Variants in FOXO1 observed in about 807,000 individuals in gnomAD.
The protein encoded by FOXO1 is forkhead box O1, also known as forkhead box protein O1.
Under a neutral mutation model 44.1 loss-of-function variants are expected in FOXO1, and 6 were observed. The observed-to-expected ratio is 0.14, with a 90% CI of 0.07 to 0.27. The LOEUF (loss-of-function observed/expected upper bound fraction) is 0.27, where lower values mean the gene tolerates loss of function less well. FOXO1 is among the 10% of genes least tolerant of loss of function. The probability of loss-of-function intolerance (pLI) is 1.00; values close to 1 mark genes in which losing one functional copy is unlikely to be tolerated. For synonymous variants in FOXO1, 380 were observed against 362.7 expected (o/e 1.05, Z -0.54); for missense variants, 737 against 888.8 (o/e 0.83, Z 2.17).
chr13:40,660,751 G>A (rs2137944046), intron 1 of FOXO1, among the ~76,000 whole-genome samples: 1 of 152,208 alleles, frequency 6.6e-6, no homozygotes, highest in Non-Finnish European at 1.5e-5. Context: ...GAATTAAAAT[G>A]CCTTATTTTC....
chr13:40,556,124 A>AG lies in FOXO1; in HGVS notation c.*2924dup, dbSNP rs1873741036. The AG allele has an allele frequency of 6.6e-6, 1 of 152,264 alleles. No homozygotes were observed. Among genetic ancestry groups the AG allele is most frequent in the Non-Finnish European group, 1.5e-5 (1 of 68,038 alleles). The allele number at this position is 152,264 out of a possible 1,614,324, so 9.4% of individuals were successfully genotyped here. ...AATTAGTTATAAATTAAGAACTCTTAGGAGCTTGAATGTAAGAATTTTAAG... is the reference window on the plus strand; with the variant it reads ...AATTAGTTATAAATTAAGAACTCTTAGGGAGCTTGAATGTAAGAATTTTAAG... On this transcript the variant is annotated 3_prime_UTR_variant, in exon 3 of 3. Coordinates refer to ENST00000379561, the MANE Select transcript of FOXO1 (RefSeq NM_002015.4).
chr13:40,619,400 G>A (rs572409499), intron 1 of FOXO1: 30 of 803,854 alleles, frequency 3.7e-5, no homozygotes, highest in South Asian at 1.1e-4. Flanking sequence ...AACACCTTTC[G>A]GGGCACAGGA....
At chr13:40,649,311 C>T (rs1440926955) in intron 1 of FOXO1, among the ~76,000 whole-genome samples, 1 of 152,202 alleles carries the variant, frequency 6.6e-6, no homozygotes, top group Non-Finnish European at 1.5e-5. Flanking sequence ...ATCTCTCTGA[C>T]TTAATTACTT....
At chr13:40,627,994 G>T (rs1354469288) in intron 1 of FOXO1, among the ~76,000 whole-genome samples, 1 of 152,084 alleles carries the variant, frequency 6.6e-6, no homozygotes. Flanking sequence ...GTTGGCAGGG[G>T]AACCGTGTGT....
intron 1 of FOXO1, chr13:40,620,116 ACT>A (rs1306411047): frequency 5.1e-6 from 6 of 1,178,798 alleles, no homozygotes; most frequent in Non-Finnish European, 7.6e-6. Context: ...ACACAGAGGT[ACT>A]GCATATACCC....
rs146363122 is a variant in FOXO1 at position 40,621,158 on chromosome 13, C to T, written c.630+44425G>A. 2.4e-5 allele frequency: 12 copies of T among 498,926 alleles called. No individual in the cohort carries two copies. The Admixed American group carries it at 3.1e-4, about 13-fold the overall frequency. 30.9% of individuals were successfully genotyped at this position (498,926 alleles called of 1,614,324 possible). On this transcript the variant is annotated intron_variant, in intron 1 of 2. Transcript: ENST00000379561. ...CTTTCCACCCAGCGCTAGAGCATAACAGTATTGATAGTGAACCAGGTAAAA... is the reference window on the plus strand; with the variant it reads ...CTTTCCACCCAGCGCTAGAGCATAATAGTATTGATAGTGAACCAGGTAAAA...
In FOXO1 at chr13:40,557,392, T is replaced by C. The variant is rs575814105; in HGVS notation, c.*1657A>G. The stretch of plus-strand genomic sequence containing the variant: ...TGATAGGAATTACAGTTTAGGTTGC[T>C]ACAGGCTAAAGAAATTTTCAAATTC... On this transcript the variant is annotated 3_prime_UTR_variant, in exon 3 of 3. Transcript: ENST00000379561. 1 of 152,382 alleles carries C rather than the reference T, an allele frequency of 6.6e-6. No individual in the cohort carries two copies. The highest frequency in any genetic ancestry group is 6.5e-5 in the Admixed American group (1 of 15,310). 9.4% of individuals were successfully genotyped at this position (152,382 alleles called of 1,614,324 possible).
chr13:40,658,936 C>T (rs61963289), intron 1 of FOXO1, among the ~76,000 whole-genome samples: 25,747 of 151,548 alleles, frequency 0.17, 2,533 homozygotes, highest in South Asian at 0.3. Context: ...AGCGTGAACC[C>T]GGGAGGCGGA....
At chr13:40,636,517 C>CT (rs376651061) in intron 1 of FOXO1, among the ~76,000 whole-genome samples, 26,782 of 121,910 alleles carry the variant, frequency 0.22, 3,240 homozygotes, top group South Asian at 0.34. Context: ...TTTTCAAAAA[C>CT]TTTTTTTTTT....
intron 1 of FOXO1, among the ~76,000 whole-genome samples, chr13:40,588,846 T>C (rs2137862020): frequency 6.6e-6 from 1 of 152,316 alleles, no homozygotes; most frequent in East Asian, 1.9e-4. Flanking sequence ...GACTCACTCC[T>C]GTAATCCCAG....
At chr13:40,659,179 G>C (rs1352511901) in intron 1 of FOXO1, among the ~76,000 whole-genome samples, 3 of 151,814 alleles carry the variant, frequency 2.0e-5, no homozygotes, top group South Asian at 4.1e-4. Context: ...TCCAGGTGTG[G>C]TGGCATGTGC....
chr13:40,580,359 C>T (rs142748225), intron 1 of FOXO1, among the ~76,000 whole-genome samples: 180 of 152,118 alleles, frequency 1.2e-3, no homozygotes, highest in Non-Finnish European at 2.2e-3. Context: ...AAGCAGGAGA[C>T]GGGGAAAGAG....
In FOXO1 at chr13:40,610,335, C is replaced by G. The variant is rs1293809948; in HGVS notation, c.631-49475G>C. Among the ~76,000 whole-genome samples, 7 of 152,160 alleles carry G rather than the reference C, an allele frequency of 4.6e-5. No individual in the cohort carries two copies. The East Asian group carries it at 5.8e-4, about 13-fold the overall frequency. ...TCTATTTGGCACCATCTAAAACCAG[C>G]AAGCAATAATTGTACAACAAGGGGG... On this transcript the variant is annotated intron_variant, in intron 1 of 2. Transcript: ENST00000379561.
intron 1 of FOXO1, among the ~76,000 whole-genome samples, chr13:40,615,945 C>A (rs1876409338): frequency 6.6e-6 from 1 of 152,302 alleles, no homozygotes; most frequent in Admixed American, 6.5e-5. Flanking sequence ...ATCCGTCTGG[C>A]CTTGCTGAGT....
chr13:40,658,780 C>T lies in FOXO1; in HGVS notation c.630+6803G>A, dbSNP rs186523583. Among the ~76,000 whole-genome samples the T allele has an allele frequency of 5.3e-5, 8 of 152,088 alleles. No individual in the cohort carries two copies. The East Asian group carries it at 1.5e-3, about 29-fold the overall frequency. On this transcript the variant is annotated intron_variant, in intron 1 of 2. Coordinates refer to ENST00000379561, the MANE Select transcript of FOXO1 (RefSeq NM_002015.4). ...ATCCTAGCACTTTGGGAGGCCGAGGCGGGTGGATCACAAGGTCAGGAGATG... is the reference window on the plus strand; with the variant it reads ...ATCCTAGCACTTTGGGAGGCCGAGGTGGGTGGATCACAAGGTCAGGAGATG...
At chr13:40,656,559 T>C (rs1416981666) in intron 1 of FOXO1, among the ~76,000 whole-genome samples, 1 of 152,230 alleles carries the variant, frequency 6.6e-6, no homozygotes, top group Non-Finnish European at 1.5e-5. Flanking sequence ...GTTCTATGTA[T>C]TGCCAAATTC....
At chr13:40,588,435 G>T (rs558696550) in intron 1 of FOXO1, among the ~76,000 whole-genome samples, 43 of 152,202 alleles carry the variant, frequency 2.8e-4, no homozygotes, top group African/African-American at 8.4e-4. Context: ...AAATGTGGGC[G>T]GTTAAACCCT....
At chr13:40,615,533 A>G (rs1306084500) in intron 1 of FOXO1, among the ~76,000 whole-genome samples, 2 of 40,570 alleles carry the variant, frequency 4.9e-5, no homozygotes, top group South Asian at 1.0e-3. Flanking sequence ...TCTCAAATAC[A>G]TACATACATA....
intron 1 of FOXO1, among the ~76,000 whole-genome samples, chr13:40,571,895 C>T (rs1027820408): frequency 1.3e-5 from 2 of 152,128 alleles, no homozygotes; most frequent in African/African-American, 2.4e-5. Flanking sequence ...AAACAAAGAA[C>T]GCATTAGGAT....
Sources: gnomAD v4.1 joint callset for allele counts (sites outside exome capture counted in the v4.1 genomes callset) on GRCh38, gnomAD v4.1.1 for gene constraint, MANE v1.5 for transcripts, NCBI Gene and HGNC (gene_info 2026-07-23, HGNC 2026-07-21) for gene names.